The following USP43 variants were observed in gnomAD, a reference collection of about 807,000 sequenced individuals.
USP43 encodes ubiquitin carboxyl-terminal hydrolase 43.
USP43 carries 33 observed loss-of-function variants against 90.7 expected under a neutral mutation model. The ratio of observed to expected loss-of-function variants is 0.36; its 90% confidence interval spans 0.28 to 0.49. The LOEUF (loss-of-function observed/expected upper bound fraction) is 0.49. Among genes scored for constraint, USP43 ranks in the 20% least tolerant of loss-of-function variants. USP43 has a pLI of 0.98. For missense variants in USP43, 1,274 were observed against 1,476.4 expected (o/e 0.86, Z 2.25); for synonymous variants, 598 against 615.8 (o/e 0.97, Z 0.43).
At chr17:9,704,041 A>C (rs1915730534) in intron 12 of USP43, among the ~76,000 whole-genome samples, 1 of 152,068 alleles carries the variant, frequency 6.6e-6, no homozygotes. Flanking sequence ...GAAAATCAGC[A>C]ATGTTGCTCC....
At chr17:9,719,129 C>CA (rs145038895) in intron 14 of USP43, among the ~76,000 whole-genome samples, 7,756 of 151,644 alleles carry the variant, frequency 0.051, 311 homozygotes, top group East Asian at 0.21. Context: ...ACTCCGTGTC[C>CA]AAAAAAAAGT....
At chr17:9,706,630 AATTT>A (rs1208012337) in intron 12 of USP43, among the ~76,000 whole-genome samples, 18 of 122,404 alleles carry the variant, frequency 1.5e-4, no homozygotes, top group Admixed American at 5.9e-4. Flanking sequence ...ATCAGATATT[AATTT>A]TTTTTTTTTT....
chr17:9,696,942 C>T (rs1296304295), intron 9 of USP43, among the ~76,000 whole-genome samples: 3 of 152,246 alleles, frequency 2.0e-5, no homozygotes, highest in Non-Finnish European at 4.4e-5. Flanking sequence ...TTGGGCCAGG[C>T]ACGGTGGCTC....
intron 13 of USP43, among the ~76,000 whole-genome samples, chr17:9,711,459 G>A (rs148588317): frequency 2.6e-5 from 4 of 152,054 alleles, no homozygotes; most frequent in East Asian, 1.9e-4. Flanking sequence ...ACGGAGTTTC[G>A]CTCTTGTTGC....
Position 9,682,853 on chromosome 17 carries a change from G to T in USP43, c.1136G>T (p.Arg379Leu). ...CCACTGGGTCTGTCGGCCTCCCCAC[G>T]CCTGGCAGCCCGTGAGGGCCAGCGA... is the stretch of plus-strand genomic sequence containing the variant. The part of the protein sequence containing the change: ...AHPLGLSASP[R>L]LAAREGQRFS... Residue 379 changes from arginine (R) to leucine (L), a missense_variant, in exon 7 of 15, where the codon CGC (arginine) becomes CTC (leucine). Arg to Leu is a moderately radical substitution (Grantham distance 102). Coordinates refer to ENST00000285199, the MANE Select transcript of USP43 (RefSeq NM_153210.5). 6.2e-7 allele frequency: 1 copy of T among 1,613,944 alleles called. No homozygotes were observed.
Position 9,700,193 on chromosome 17 carries a change from A to G in USP43, c.1479A>G (p.Pro493=). ...TCAGGGTTTTGCATCTCAGGAGGCC[A>G]GGAGGCCCTCCACATGTCAAGCTGG... ...AVDRVLHLRR[P]GGPPHVKLAV... Residue 493 remains proline, a synonymous_variant, in exon 10 of 15, where the codon CCA becomes CCG. Coordinates refer to ENST00000285199, the MANE Select transcript of USP43 (RefSeq NM_153210.5). 1 of 1,606,858 alleles carries G rather than the reference A, an allele frequency of 6.2e-7. No individual in the cohort carries two copies. Among genetic ancestry groups the G allele is most frequent in the Non-Finnish European group, 8.5e-7 (1 of 1,176,974 alleles).
intron 5 of USP43, among the ~76,000 whole-genome samples, chr17:9,678,879 A>G (rs747268329): frequency 6.6e-6 from 1 of 152,042 alleles, no homozygotes; most frequent in South Asian, 2.1e-4. Flanking sequence ...TAATATATAC[A>G]TTATATTTCC....
chr17:9,646,318 G>A lies in USP43; in HGVS notation c.504+182G>A, dbSNP rs73975773. 4.3e-3 allele frequency among the ~76,000 whole-genome samples: 659 copies of A among 152,294 alleles called. 11 individuals carry two copies. Among genetic ancestry groups the A allele is most frequent in the African/African-American group, 0.015 (608 of 41,572 alleles). ...GCTGTCGCTTGCTTATGTTTTCTTT[G>A]TAAATTAATTCTCCTAGGTATTTTG... On this transcript the variant is annotated intron_variant, in intron 1 of 14. Coordinates refer to ENST00000285199, the MANE Select transcript of USP43 (RefSeq NM_153210.5).
At position 9,728,300 on chromosome 17, in the gene USP43, G is replaced by T; in HGVS notation, c.2682G>T (p.Ser894=). Residue 894 remains serine, a synonymous_variant, in exon 15 of 15, where the codon TCG becomes TCT. Transcript: ENST00000285199. The surrounding 1 kb of genome is among the most constrained non-coding windows in gnomAD (Gnocchi z 6.2). ...GTCCAGCCGGGGTGCCCTGTCCCTCGGCTCAACCCAACCACTGTCTGGCCC... is the reference window on the plus strand; with the variant it reads ...GTCCAGCCGGGGTGCCCTGTCCCTCTGCTCAACCCAACCACTGTCTGGCCC... ...ERGPAGVPCP[S]AQPNHCLAPG... 1 of 1,612,862 alleles carries T rather than the reference G, an allele frequency of 6.2e-7. No homozygotes were observed. Among genetic ancestry groups the T allele is most frequent in the Admixed American group, 1.7e-5 (1 of 59,850 alleles).
In USP43 at chr17:9,646,058, G is replaced by T. The variant is rs775013276; in HGVS notation, c.426G>T (p.Glu142Asp). Reference protein sequence around the residue: ...GRYRAAPGRAEVTEQLAALVR... With the variant: ...GRYRAAPGRADVTEQLAALVR... ...ACCGGGCGGCTCCGGGCCGCGCCGA[G>T]GTCACCGAGCAGCTGGCGGCGCTGG... Residue 142 changes from glutamate to aspartate, a missense_variant, in exon 1 of 15, where the codon GAG (glutamate) becomes GAT (aspartate). Coordinates refer to ENST00000285199, the MANE Select transcript of USP43 (RefSeq NM_153210.5). 2 of 1,506,484 alleles carry T rather than the reference G, an allele frequency of 1.3e-6. No individual in the cohort carries two copies. The highest frequency in any genetic ancestry group is 1.8e-6 in the Non-Finnish European group (2 of 1,128,470). 93.3% of individuals were successfully genotyped at this position (1,506,484 alleles called of 1,614,324 possible).
intron 3 of USP43, among the ~76,000 whole-genome samples, chr17:9,667,484 T>A (rs934351987): frequency 6.6e-6 from 1 of 152,220 alleles, no homozygotes; most frequent in African/African-American, 2.4e-5. Context: ...AGCTTTTATA[T>A]GTGAAAGTGC....
At chr17:9,723,100 C>T (rs774118732) in intron 14 of USP43, among the ~76,000 whole-genome samples, 4 of 152,320 alleles carry the variant, frequency 2.6e-5, no homozygotes, top group East Asian at 1.9e-4. Context: ...GCTGGTTGCA[C>T]GACTCTTGAG....
intron 14 of USP43, among the ~76,000 whole-genome samples, 183 bp downstream of exon 14, chr17:9,712,315 C>G (rs888974814): frequency 6.6e-6 from 1 of 152,138 alleles, no homozygotes; most frequent in Non-Finnish European, 1.5e-5. Context: ...TCTCCCCATC[C>G]TCTACCCTCC....
At chr17:9,666,614 T>C in intron 2 of USP43, 34 bp from the exon 3 acceptor site, 2 of 1,560,360 alleles carry the variant, frequency 1.3e-6, no homozygotes, top group Non-Finnish European at 1.8e-6. Context: ...GAGAGGTGTA[T>C]CTAATCTGGC....
rs1189221746 is a variant in USP43, at chr17:9,709,242, A to T, written c.2012-714A>T. On this transcript the variant is annotated intron_variant, in intron 12 of 14. Transcript: ENST00000285199. The surrounding 1 kb of genome is among the most constrained non-coding windows in gnomAD (Gnocchi z 5.0). ...TTCAGTTCTTAGAAAGAGGTATGCC[A>T]TAAGCCCAATTGTGATTCTCATCTT... Among the ~76,000 whole-genome samples the T allele has an allele frequency of 6.6e-6, 1 of 152,230 alleles. No homozygotes were observed. Among genetic ancestry groups the T allele is most frequent in the African/African-American group, 2.4e-5 (1 of 41,460 alleles).
At position 9,728,604 on chromosome 17, in the gene USP43, C is replaced by T; in HGVS notation, c.2986C>T (p.Leu996Phe). ...SELDRPLQGTLTLLRSVFRKK... is the reference protein window; with the variant it reads ...SELDRPLQGTFTLLRSVFRKK... The stretch of plus-strand genomic sequence containing the variant: ...GCTAGACAGACCCCTGCAGGGGACA[C>T]TCACCCTTCTGAGGTCCGTGTTTCG... Residue 996 changes from leucine (L) to phenylalanine (F), a missense_variant, in exon 15 of 15, where the codon CTC becomes TTC. Transcript: ENST00000285199. The surrounding 1 kb of genome is among the most constrained non-coding windows in gnomAD (Gnocchi z 6.2). The T allele has an allele frequency of 6.2e-7, 1 of 1,613,866 alleles. No homozygotes were observed. The highest frequency in any genetic ancestry group is 8.5e-7 in the Non-Finnish European group (1 of 1,179,838).
rs374438471 is a variant in USP43, at chr17:9,680,945, T to C, written c.1105+579T>C. ...AATTTCTAACAGTCCTTTTTATTTG[T>C]AGATCAGGATACATTTTGGCCAAGT... On this transcript the variant is annotated intron_variant, in intron 6 of 14. Coordinates refer to ENST00000285199, the MANE Select transcript of USP43 (RefSeq NM_153210.5). Among the ~76,000 whole-genome samples the C allele has an allele frequency of 3.9e-3, 573 of 147,882 alleles. 2 individuals are homozygous for C. The highest frequency in any genetic ancestry group is 0.013 in the African/African-American group (532 of 40,146).
At position 9,701,525 on chromosome 17, in the gene USP43, A is replaced by G; in HGVS notation, c.1836A>G (p.Gly612=). 1 of 1,566,310 alleles carries G rather than the reference A, an allele frequency of 6.4e-7. No homozygotes were observed. Among genetic ancestry groups the G allele is most frequent in the Non-Finnish European group, 8.7e-7 (1 of 1,155,738 alleles). ...LSTLVKFPLS[G]LNMAPHVAQR... is the part of the protein sequence containing the mutation. ...CGCTGGTGAAGTTTCCGCTCTCTGG[A>G]CTCAACATGGCTCCCCATGTGGCCC... The change falls in exon 12 of 15, where the codon GGA becomes GGG. Residue 612 remains glycine (G), a synonymous_variant. Coordinates refer to ENST00000285199, the MANE Select transcript of USP43 (RefSeq NM_153210.5). This position sits in a 1 kb window ranked among gnomAD's most constrained non-coding sequence, Gnocchi z 7.2.
At position 9,682,836 on chromosome 17, in the gene USP43, T is replaced by C. The variant is rs377008826; in HGVS notation, c.1119T>C (p.Gly373=). The change falls in exon 7 of 15, where the codon GGT becomes GGC. Residue 373 remains glycine (G), a synonymous_variant. Coordinates refer to ENST00000285199, the MANE Select transcript of USP43 (RefSeq NM_153210.5). ...SQGTLSAHPL[G]LSASPRLAAR... The stretch of plus-strand genomic sequence containing the variant: ...TCTCCCTTCTAGCTCATCCACTGGG[T>C]CTGTCGGCCTCCCCACGCCTGGCAG... 49 of 1,613,844 alleles carry C rather than the reference T, an allele frequency of 3.0e-5. No individual in the cohort carries two copies. Among genetic ancestry groups the C allele is most frequent in the Non-Finnish European group, 4.1e-5 (48 of 1,179,864 alleles).
Sources: allele counts gnomAD v4.1 joint callset (sites outside exome capture counted in the v4.1 genomes callset), GRCh38; gene constraint gnomAD v4.1.1; non-coding constraint Gnocchi (gnomAD v3.1); transcripts MANE v1.5; gene names NCBI Gene and HGNC (gene_info 2026-07-23, HGNC 2026-07-21).